The following DTX2 variants were observed in gnomAD, a reference collection of about 807,000 sequenced individuals.
The protein encoded by DTX2 is probable E3 ubiquitin-protein ligase DTX2.
DTX2 carries 29 observed loss-of-function variants against 55.3 expected under a neutral mutation model. The observed-to-expected ratio is 0.52, with a 90% CI of 0.39 to 0.71. The LOEUF is 0.71. DTX2 is among the 30% of genes least tolerant of loss of function. DTX2 has a pLI of 0.00. For synonymous variants in DTX2, 276 were observed against 340.4 expected (o/e 0.81, Z 2.08); for missense variants, 537 against 822.5 (o/e 0.65, Z 4.25).
chr7:76,503,645 A>G (rs2690526), intron 9 of DTX2, 58 bp downstream of exon 9: 841,048 of 1,391,422 alleles, frequency 0.6, 261,048 homozygotes, highest in East Asian at 0.7. Flanking sequence ...CCCCGCCCAC[A>G]TCCCAGCAGT....
intron 2 of DTX2, among the ~76,000 whole-genome samples, chr7:76,465,359 ATTG>A (rs1319040189): frequency 3.8e-5 from 5 of 130,332 alleles, no homozygotes; most frequent in Non-Finnish European, 7.8e-5. Flanking sequence ...ACCGGCAAAT[ATTG>A]TTGATAGCGA....
At chr7:76,502,908 C>T (rs1473860662) in intron 8 of DTX2, 5 of 219,054 alleles carry the variant, frequency 2.3e-5, no homozygotes, top group Non-Finnish European at 4.5e-5. Context: ...GGCCTTGAGG[C>T]AGGGCTGATC....
At chr7:76,478,893 CTCT>C (rs1808844856) in intron 2 of DTX2, 1 of 133,702 alleles carries the variant, frequency 7.5e-6, no homozygotes, top group East Asian at 2.7e-4. Context: ...ATTTGCAGGC[CTCT>C]TCTTATTCAG....
At position 76,482,565 on chromosome 7, in the gene DTX2, G is replaced by T. The variant is rs1809363572; in HGVS notation, c.326G>T (p.Gly109Val). The change falls in exon 4 of 11, where the codon GGT becomes GTT. Residue 109 changes from glycine to valine, a missense_variant. Around this residue, in one of 7 missense-constraint regions of DTX2, gnomAD observed 301 missense variants for 396.6 expected, o/e 0.76. Coordinates refer to ENST00000430490, the MANE Select transcript of DTX2 (RefSeq NM_001102594.3). Reference protein sequence around the residue: ...LFPQHSAPGRGVVWEWLSDDG... With the variant: ...LFPQHSAPGRVVVWEWLSDDG... ...CCCCAGCACTCAGCCCCTGGCCGAGGTGTCGTCTGGGAGTGGCTGAGCGAC... is the reference window on the plus strand; with the variant it reads ...CCCCAGCACTCAGCCCCTGGCCGAGTTGTCGTCTGGGAGTGGCTGAGCGAC... 6.2e-7 allele frequency: 1 copy of T among 1,612,764 alleles called. No individual in the cohort carries two copies. The highest frequency in any genetic ancestry group is 8.5e-7 in the Non-Finnish European group (1 of 1,179,116).
At chr7:76,483,346 G>A (rs79750972) in intron 4 of DTX2, among the ~76,000 whole-genome samples, 199 bp downstream of exon 4, 75 of 144,456 alleles carry the variant, frequency 5.2e-4, no homozygotes, top group African/African-American at 8.5e-4. Context: ...GAGTCCTGGC[G>A]GTCACCACAC....
chr7:76,487,085 T>A (rs1235928022), intron 4 of DTX2, among the ~76,000 whole-genome samples: 3 of 75,562 alleles, frequency 4.0e-5, no homozygotes, highest in Non-Finnish European at 7.7e-5. Context: ...AGAGACAGGG[T>A]CTCACTCTGT....
chr7:76,479,445 T>C (rs1227427079), intron 2 of DTX2, among the ~76,000 whole-genome samples: 1 of 115,706 alleles, frequency 8.6e-6, no homozygotes, highest in African/African-American at 3.3e-5. Flanking sequence ...TGTGCTGCAG[T>C]TCCCAGCTCT....
chr7:76,499,408 G>T (rs1303239549), intron 6 of DTX2, among the ~76,000 whole-genome samples: 1 of 151,280 alleles, frequency 6.6e-6, no homozygotes. Flanking sequence ...TCCCCTCCCT[G>T]GCCCTTTTTG....
intron 2 of DTX2, chr7:76,471,137 T>C: frequency 2.8e-6 from 2 of 726,568 alleles, no homozygotes; most frequent in Non-Finnish European, 4.9e-6. Flanking sequence ...AAATATCTGA[T>C]TTCTGGTTTC....
chr7:76,484,606 TCTC>T (rs1464067627), intron 4 of DTX2, among the ~76,000 whole-genome samples: 36 of 146,432 alleles, frequency 2.5e-4, no homozygotes, highest in Non-Finnish European at 3.8e-4. Flanking sequence ...GAGGAAATCA[TCTC>T]CTTTCTCCGC....
In DTX2 at chr7:76,505,727, C is replaced by CA; in HGVS notation, c.*126_*127insA. ...TGTTGAGGGTGTGGGGTGTGCCCCA[C>CA]CTGAAGCCGGGGCTCCCCCTGCCTG... On this transcript the variant is annotated 3_prime_UTR_variant, in exon 11 of 11. Coordinates refer to ENST00000430490, the MANE Select transcript of DTX2 (RefSeq NM_001102594.3). This position sits in a 1 kb window ranked among gnomAD's most constrained non-coding sequence, Gnocchi z 4.4. 2 of 1,033,274 alleles carry CA rather than the reference C, an allele frequency of 1.9e-6. No homozygotes were observed. The highest frequency in any genetic ancestry group is 2.8e-6 in the Non-Finnish European group (2 of 717,152). 64.0% of individuals were successfully genotyped at this position (1,033,274 alleles called of 1,614,324 possible).
chr7:76,503,558 A>G lies in DTX2; in HGVS notation c.1522A>G (p.Ile508Val), dbSNP rs750788526. The change falls in exon 9 of 11, where the codon ATA (isoleucine) becomes GTA (valine). Residue 508 changes from isoleucine to valine, a missense_variant. Physicochemically the swap from Ile to Val is conservative, Grantham distance 29. Transcript: ENST00000430490. ...PGHEDCGTIL[I>V]VYSIPHGIQG... The stretch of plus-strand genomic sequence containing the variant: ...CCACGAGGACTGCGGGACCATCCTC[A>G]TAGTTTACAGCATTCCCCATGGTAT... The G allele has an allele frequency of 3.1e-6, 5 of 1,612,488 alleles. No individual in the cohort carries two copies. In the South Asian group the frequency reaches 4.4e-5, roughly 14 times the overall value.
In DTX2 at chr7:76,465,215, G is replaced by T. The variant is rs1319828758; in HGVS notation, c.-90+1506G>T. ...GTGAGGACAGGGGACCAAGTGGGTG[G>T]GATTCAGGGTGAAGCAGAGTCATGG... On this transcript the variant is annotated intron_variant, in intron 2 of 10. Transcript: ENST00000430490. 2.9e-4 allele frequency among the ~76,000 whole-genome samples: 42 copies of T among 144,374 alleles called. 1 individual carries two copies. The highest frequency in any genetic ancestry group is 3.0e-5 in the Non-Finnish European group (2 of 67,386). 94.7% of individuals were successfully genotyped at this position (144,374 alleles called of 152,430 possible). A position where few individuals can be genotyped will look rare whatever the true frequency, so the allele number is the denominator to read the frequency against.
chr7:76,469,502 C>T (rs1807639550), intron 2 of DTX2, among the ~76,000 whole-genome samples: 1 of 148,372 alleles, frequency 6.7e-6, no homozygotes, highest in Non-Finnish European at 1.5e-5. Context: ...AAGCAATTCT[C>T]CTGCCTCAGC....
intron 2 of DTX2, chr7:76,478,247 T>C (rs1444048247): frequency 7.0e-6 from 1 of 143,338 alleles, no homozygotes; most frequent in Non-Finnish European, 1.5e-5. Context: ...TGTGATAAGA[T>C]GGGGACCCTG....
rs759267168 is a variant in DTX2 at position 76,482,703 on chromosome 7, A to G, written c.464A>G (p.Asn155Ser). The part of the protein sequence containing the change: ...LAPLGYNYTV[N>S]YTTHTQTNKT... Reference sequence around the variant, plus strand: ...CCCCTGGGGTACAACTACACTGTCAACTACACCACCCACACGCAGACCAAC... The same window carrying G: ...CCCCTGGGGTACAACTACACTGTCAGCTACACCACCCACACGCAGACCAAC... The change falls in exon 4 of 11, where the codon AAC (asparagine) becomes AGC (serine). Residue 155 changes from asparagine (N) to serine (S), a missense_variant. Physicochemically the swap from Asn to Ser is conservative, Grantham distance 46. This residue lies in a region of DTX2 where 301 missense variants were observed against 396.6 expected (regional missense o/e 0.76). Coordinates refer to ENST00000430490, the MANE Select transcript of DTX2 (RefSeq NM_001102594.3). The G allele has an allele frequency of 1.5e-5, 24 of 1,613,642 alleles. No homozygotes were observed. Among genetic ancestry groups the G allele is most frequent in the Middle Eastern group, 1.6e-4 (1 of 6,076 alleles).
At chr7:76,478,174 A>G (rs1263188546) in intron 2 of DTX2, 2 of 145,222 alleles carry the variant, frequency 1.4e-5, no homozygotes, top group East Asian at 4.1e-4. Flanking sequence ...TTTTATCCCC[A>G]TTTTGCCAAT....
At position 76,505,641 on chromosome 7, in the gene DTX2, C is replaced by T; in HGVS notation, c.*40C>T. 6.5e-7 allele frequency: 1 copy of T among 1,528,958 alleles called. No homozygotes were observed. The highest frequency in any genetic ancestry group is 8.8e-7 in the Non-Finnish European group (1 of 1,140,164). The allele number at this position is 1,528,958 out of a possible 1,614,324, so 94.7% of individuals were successfully genotyped here. ...ACGCCCGCCTCTGGTGGCCACCCCG[C>T]TGCCCCATGGCTGGCTGGGTGGCCA... On this transcript the variant is annotated 3_prime_UTR_variant, in exon 11 of 11. Coordinates refer to ENST00000430490, the MANE Select transcript of DTX2 (RefSeq NM_001102594.3). The surrounding 1 kb of genome is among the most constrained non-coding windows in gnomAD (Gnocchi z 4.4).
rs1236906974 is a variant in DTX2, at chr7:76,505,901, G to A, written c.*300G>A. On this transcript the variant is annotated 3_prime_UTR_variant, in exon 11 of 11. Coordinates refer to ENST00000430490, the MANE Select transcript of DTX2 (RefSeq NM_001102594.3). This position sits in a 1 kb window ranked among gnomAD's most constrained non-coding sequence, Gnocchi z 4.4. The stretch of plus-strand genomic sequence containing the variant: ...CGGTGCTCGGGGCCTGGTGTGGGGC[G>A]AGTAGAGACTTCCCCAGCCTGGACG... 4 of 546,776 alleles carry A rather than the reference G, an allele frequency of 7.3e-6. No homozygotes were observed. Among genetic ancestry groups the A allele is most frequent in the South Asian group, 2.2e-5 (1 of 45,402 alleles). The allele number at this position is 546,776 out of a possible 1,614,324, so 33.9% of individuals were successfully genotyped here.
Sources: allele counts gnomAD v4.1 joint callset (sites outside exome capture counted in the v4.1 genomes callset), GRCh38; gene constraint gnomAD v4.1.1; regional missense constraint gnomAD v4.1.1; non-coding constraint Gnocchi (gnomAD v3.1); transcripts MANE v1.5; gene names NCBI Gene and HGNC (gene_info 2026-07-23, HGNC 2026-07-21).